Variants in AKAP13 observed in about 807,000 individuals in gnomAD.
The protein encoded by AKAP13 is A-kinase anchor protein 13.
Under a neutral mutation model 264.5 loss-of-function variants are expected in AKAP13, and 80 were observed. That is an observed-to-expected ratio of 0.30 (90% CI 0.25 to 0.36). The LOEUF (loss-of-function observed/expected upper bound fraction) is 0.36. Ranked by LOEUF, AKAP13 falls within the 10% of genes least tolerant of loss-of-function variation. The pLI, the probability that AKAP13 is intolerant of heterozygous loss-of-function variation, is 1.00. For missense variants in AKAP13, 3,712 were observed against 3,435.2 expected (o/e 1.08, Z -2.01); for synonymous variants, 1,380 against 1,250.2 (o/e 1.10, Z -2.19).
intron 8 of AKAP13, among the ~76,000 whole-genome samples, chr15:85,611,578 T>C (rs1596711372): frequency 6.6e-6 from 1 of 152,362 alleles, no homozygotes; most frequent in African/African-American, 2.4e-5. Context: ...ACCTGACTTC[T>C]CTAACAGCTT....
At chr15:85,654,243 C>T (rs2082996628) in intron 10 of AKAP13, among the ~76,000 whole-genome samples, 1 of 152,184 alleles carries the variant, frequency 6.6e-6, no homozygotes, top group Admixed American at 6.5e-5. Context: ...GTAACAGGTA[C>T]TTATGCATTT....
chr15:85,632,711 T>C lies in AKAP13; in HGVS notation c.4162-6663T>C, dbSNP rs191300464. ...TTATTGTATATAATTTTGTAAAATA[T>C]GAAACTCACTTTATGTAACACATGT... On this transcript the variant is annotated intron_variant, in intron 8 of 36. Coordinates refer to ENST00000394518, the MANE Select transcript of AKAP13 (RefSeq NM_007200.5). Among the ~76,000 whole-genome samples, 3 of 152,292 alleles carry C rather than the reference T, an allele frequency of 2.0e-5. No homozygotes were observed. The South Asian group carries it at 6.2e-4, about 32-fold the overall frequency.
In AKAP13 at chr15:85,718,898, T is replaced by TAAAA; in HGVS notation, c.6002-171_6002-168dup. 1 of 730,004 alleles carries TAAAA rather than the reference T, an allele frequency of 1.4e-6. No individual in the cohort carries two copies. The highest frequency in any genetic ancestry group is 2.1e-6 in the Non-Finnish European group (1 of 486,650). The allele number at this position is 730,004 out of a possible 1,614,324, so 45.2% of individuals were successfully genotyped here. A position where few individuals can be genotyped will look rare whatever the true frequency, so the allele number is the denominator to read the frequency against. ...TGGGTGACAGAGCCAGAACCTGTCT[T>TAAAA]AAAAAAAAAACAAAAAAACAAAAAA... On this transcript the variant is annotated intron_variant, in intron 22 of 36. Coordinates refer to ENST00000394518, the MANE Select transcript of AKAP13 (RefSeq NM_007200.5). This position sits in a 1 kb window ranked among gnomAD's most constrained non-coding sequence, Gnocchi z 4.9.
chr15:85,587,473 A>C (rs550574041), intron 8 of AKAP13, among the ~76,000 whole-genome samples: 3 of 152,266 alleles, frequency 2.0e-5, no homozygotes, highest in African/African-American at 7.2e-5. Flanking sequence ...CTTTTTGGCT[A>C]CTGTGAATAA....
intron 1 of AKAP13, among the ~76,000 whole-genome samples, chr15:85,440,729 C>G (rs2073605196): frequency 6.6e-6 from 1 of 152,194 alleles, no homozygotes; most frequent in African/African-American, 2.4e-5. Flanking sequence ...AAGCTGCTTT[C>G]TCAGAGCCAT....
Position 85,580,459 on chromosome 15 carries a change from C to A in AKAP13, c.2391C>A (p.Thr797=). The A allele has an allele frequency of 6.2e-7, 1 of 1,614,186 alleles. No homozygotes were observed. Residue 797 remains threonine (T), a synonymous_variant, in exon 7 of 37, where the codon ACC becomes ACA. Transcript: ENST00000394518. ...LANSPGSESV[T]KDDALSFVPS... ...ACAGTCCAGGCAGTGAATCAGTAAC[C>A]AAGGATGACGCACTTTCTTTTGTCC...
At chr15:85,381,670 C>T (rs996730424) in intron 1 of AKAP13, 4 of 151,830 alleles carry the variant, frequency 2.6e-5, no homozygotes, top group African/African-American at 7.3e-5. Context: ...GTGATACCGT[C>T]CCATTTAATT....
chr15:85,652,380 T>C (rs1175092570), intron 10 of AKAP13, among the ~76,000 whole-genome samples: 3 of 152,226 alleles, frequency 2.0e-5, no homozygotes, highest in African/African-American at 7.2e-5. Context: ...GTGAGTTGTT[T>C]CCAAACTGAG....
chr15:85,399,527 A>AATAAATAAAT (rs2071311030), intron 1 of AKAP13, among the ~76,000 whole-genome samples: 2 of 114,738 alleles, frequency 1.7e-5, no homozygotes, highest in South Asian at 2.5e-4. Flanking sequence ...AAAAAATAAA[A>AATAAATAAAT]AAATAAAAAA....
At chr15:85,728,566 G>A (rs2087756920) in intron 29 of AKAP13, among the ~76,000 whole-genome samples, 2 of 152,180 alleles carry the variant, frequency 1.3e-5, no homozygotes, top group Admixed American at 1.3e-4. Context: ...ATCAATGATG[G>A]GCCACACAGT....
chr15:85,541,061 A>G (rs2077567254), intron 4 of AKAP13, among the ~76,000 whole-genome samples: 1 of 152,260 alleles, frequency 6.6e-6, no homozygotes, highest in South Asian at 2.1e-4. Flanking sequence ...AAGTGGCACA[A>G]AAGAACTTTT....
chr15:85,737,785 G>A (rs773813265), intron 33 of AKAP13, among the ~76,000 whole-genome samples: 1 of 151,994 alleles, frequency 6.6e-6, no homozygotes, highest in Non-Finnish European at 1.5e-5. Flanking sequence ...CTACAGGCCC[G>A]CACTACCATA....
intron 16 of AKAP13, among the ~76,000 whole-genome samples, chr15:85,692,130 T>C (rs2085320117): frequency 6.6e-6 from 1 of 152,138 alleles, no homozygotes; most frequent in South Asian, 2.1e-4. Flanking sequence ...CCCTGCACCG[T>C]TGTCCTTTAG....
At chr15:85,567,504 CA>C (rs1187646413) in intron 5 of AKAP13, among the ~76,000 whole-genome samples, 3 of 152,232 alleles carry the variant, frequency 2.0e-5, no homozygotes, top group Admixed American at 2.0e-4. Context: ...TACCCATTAA[CA>C]AAATTATAAT....
chr15:85,670,732 A>G (rs1385552192), intron 14 of AKAP13: 1 of 152,064 alleles, frequency 6.6e-6, no homozygotes, highest in Non-Finnish European at 1.5e-5. Context: ...AAGCTCAAGA[A>G]GGACAAAGCA....
intron 8 of AKAP13, among the ~76,000 whole-genome samples, chr15:85,607,508 T>A (rs548228998): frequency 6.6e-6 from 1 of 152,270 alleles, no homozygotes; most frequent in Non-Finnish European, 1.5e-5. Flanking sequence ...ATTTTGTAGG[T>A]GAGAAACTGA....
intron 8 of AKAP13, among the ~76,000 whole-genome samples, chr15:85,619,026 A>G (rs1419177103): frequency 6.6e-6 from 1 of 152,140 alleles, no homozygotes. Flanking sequence ...GTACCTCACG[A>G]CAAGTCCATT....
intron 33 of AKAP13, among the ~76,000 whole-genome samples, chr15:85,738,037 T>C (rs2088667414): frequency 6.6e-6 from 1 of 152,202 alleles, no homozygotes; most frequent in Non-Finnish European, 1.5e-5. Flanking sequence ...CATTCCAGTA[T>C]GGATTAGACA....
chr15:85,503,362 G>A (rs534388424), intron 2 of AKAP13, among the ~76,000 whole-genome samples: 20 of 152,336 alleles, frequency 1.3e-4, no homozygotes, highest in African/African-American at 4.1e-4. Flanking sequence ...TAAGTCACGT[G>A]ATTTCAAAGC....
Sources: gnomAD v4.1 joint callset for allele counts (sites outside exome capture counted in the v4.1 genomes callset) on GRCh38, gnomAD v4.1.1 for gene constraint, Gnocchi (gnomAD v3.1) non-coding constraint, MANE v1.5 for transcripts, NCBI Gene and HGNC (gene_info 2026-07-23, HGNC 2026-07-21) for gene names.